CFAP58: variants seen among roughly 807,000 people sequenced by gnomAD.
CFAP58 encodes the protein cilia and flagella associated protein 58, also known as cilia- and flagella-associated protein 58.
In CFAP58, 88 loss-of-function variants were observed where a neutral mutation model predicts 119.5. The observed-to-expected ratio is 0.74, with a 90% CI of 0.62 to 0.88. The LOEUF (loss-of-function observed/expected upper bound fraction) is 0.88. Ranked by LOEUF, CFAP58 falls within the 40% of genes least tolerant of loss-of-function variation. The pLI, the probability that CFAP58 is intolerant of heterozygous loss-of-function variation, is 0.00. For missense variants in CFAP58, 990 were observed against 1,021.2 expected, an observed-to-expected ratio of 0.97 and a Z score of 0.42; for synonymous variants, 365 against 366.3, an observed-to-expected ratio of 1.00 and a Z score of 0.04.
intron 10 of CFAP58, among the ~76,000 whole-genome samples, chr10:104,392,675 C>T (rs1329197701): frequency 7.1e-6 from 1 of 139,990 alleles, no homozygotes; most frequent in East Asian, 2.1e-4. Flanking sequence ...GAGTCTCACT[C>T]TGTCACCCAG....
At chr10:104,393,638 A>G (rs2012097292) in intron 11 of CFAP58, among the ~76,000 whole-genome samples, 163 bp downstream of exon 11, 2 of 152,182 alleles carry the variant, frequency 1.3e-5, no homozygotes, top group South Asian at 4.1e-4. Flanking sequence ...CAGGAGGATG[A>G]GCTTTACCAT....
At chr10:104,364,996 C>G in intron 4 of CFAP58, 107 bp downstream of exon 4, 1 of 1,166,734 alleles carries the variant, frequency 8.6e-7, no homozygotes, top group East Asian at 2.7e-5. Flanking sequence ...CCCCCTAGCG[C>G]CCAAATGAAA....
chr10:104,373,119 C>T (rs1249559352), intron 7 of CFAP58, among the ~76,000 whole-genome samples: 1 of 151,832 alleles, frequency 6.6e-6, no homozygotes, highest in Non-Finnish European at 1.5e-5. Context: ...AAAAAATTCT[C>T]TTCACAACAG....
upstream of CFAP58, among the ~76,000 whole-genome samples, chr10:104,352,578 G>A (rs1308927804): frequency 3.3e-5 from 5 of 152,192 alleles, no homozygotes; most frequent in East Asian, 5.8e-4. Flanking sequence ...TGTGCAGGAC[G>A]CAGCTGCATA....
intron 15 of CFAP58, among the ~76,000 whole-genome samples, chr10:104,444,975 A>G (rs2013091512): frequency 6.6e-6 from 1 of 152,186 alleles, no homozygotes; most frequent in Admixed American, 6.5e-5. Flanking sequence ...CTCACAGTTC[A>G]GTTGCTCAGC....
At chr10:104,438,341 G>GTTTTTT (rs1325921091) in intron 15 of CFAP58, among the ~76,000 whole-genome samples, 18 of 101,288 alleles carry the variant, frequency 1.8e-4, no homozygotes, top group African/African-American at 5.9e-4. Flanking sequence ...TTTGTTTTTT[G>GTTTTTT]TTTTTTGTTT....
intron 15 of CFAP58, among the ~76,000 whole-genome samples, chr10:104,437,090 G>A (rs568578776): frequency 3.0e-4 from 45 of 152,272 alleles, no homozygotes; most frequent in African/African-American, 1.1e-3. Flanking sequence ...ACACTTTCTA[G>A]TTGTTTTATT....
Position 104,400,845 on chromosome 10 carries a change from A to G in CFAP58, c.1981A>G (p.Lys661Glu). 1 of 1,614,190 alleles carries G rather than the reference A, an allele frequency of 6.2e-7. No individual in the cohort carries two copies. The highest frequency in any genetic ancestry group is 8.5e-7 in the Non-Finnish European group (1 of 1,180,028). Residue 661 changes from lysine to glutamate, a missense_variant, in exon 13 of 18, where the codon AAG (lysine) becomes GAG (glutamate). By Grantham distance (56) the Lys-to-Glu change is moderately conservative (BLOSUM62 1). Coordinates refer to ENST00000369704, the MANE Select transcript of CFAP58 (RefSeq NM_001008723.2). ...GAGAATCCTCAGACTTGAGATCAAGAAGCTTCGCCGGGAAAAGGGGATTCT... is the reference window on the plus strand; with the variant it reads ...GAGAATCCTCAGACTTGAGATCAAGGAGCTTCGCCGGGAAAAGGGGATTCT... ...DMRILRLEIK[K>E]LRREKGILAR...
At chr10:104,380,921 G>T (rs998898117) in intron 9 of CFAP58, among the ~76,000 whole-genome samples, 3 of 152,154 alleles carry the variant, frequency 2.0e-5, no homozygotes, top group African/African-American at 4.8e-5. Context: ...GTCCAAGGGG[G>T]TGTGGATAGC....
At chr10:104,371,395 T>C (rs929338525) in intron 7 of CFAP58, among the ~76,000 whole-genome samples, 1 of 152,206 alleles carries the variant, frequency 6.6e-6, no homozygotes, top group African/African-American at 2.4e-5. Flanking sequence ...CCACAGAAGA[T>C]AGTGAATACG....
At chr10:104,424,143 T>A (rs1286789314) in intron 15 of CFAP58, among the ~76,000 whole-genome samples, 1 of 152,278 alleles carries the variant, frequency 6.6e-6, no homozygotes, top group African/African-American at 2.4e-5. Context: ...CATTAAAAAA[T>A]GTATATTCCC....
rs925402943 is a variant in CFAP58 at position 104,392,410 on chromosome 10, A to T, written c.1527+16A>T. 4.0e-6 allele frequency: 6 copies of T among 1,492,168 alleles called. No homozygotes were observed. The African/African-American group carries it at 8.6e-5, about 21-fold the overall frequency. The allele number at this position is 1,492,168 out of a possible 1,614,324, so 92.4% of individuals were successfully genotyped here. A position where few individuals can be genotyped will look rare whatever the true frequency, so the allele number is the denominator to read the frequency against. On this transcript the variant is annotated intron_variant, in intron 10 of 17. Coordinates refer to ENST00000369704, the MANE Select transcript of CFAP58 (RefSeq NM_001008723.2). ...TGAGGCTCAGGTAAATAATATATTT[A>T]TATCCTTACATTTTGATTTATTTTT...
intron 10 of CFAP58, 95 bp downstream of exon 10, chr10:104,392,489 T>TAA (rs200829328): frequency 5.7e-5 from 45 of 782,954 alleles, no homozygotes; most frequent in Non-Finnish European, 6.4e-5. Context: ...TAGAATAGAT[T>TAA]AAAAAAAAAA....
chr10:104,448,198 G>A (rs1439455988), intron 16 of CFAP58, among the ~76,000 whole-genome samples: 1 of 152,206 alleles, frequency 6.6e-6, no homozygotes, highest in Non-Finnish European at 1.5e-5. Context: ...GCAGACTGCC[G>A]TGCCACAGTG....
At chr10:104,422,586 CTGGTT>C (rs1313787042) in intron 15 of CFAP58, among the ~76,000 whole-genome samples, 1 of 152,190 alleles carries the variant, frequency 6.6e-6, no homozygotes, top group East Asian at 1.9e-4. Flanking sequence ...TGGCCCAAAG[CTGGTT>C]CATTTGGGTG....
At chr10:104,362,220 C>T (rs575577930) in intron 3 of CFAP58, 49 bp downstream of exon 3, 3 of 1,527,008 alleles carry the variant, frequency 2.0e-6, no homozygotes, top group African/African-American at 1.4e-5. Flanking sequence ...TTGCAGAGGT[C>T]TCCTTCAGTA....
chr10:104,394,311 C>T (rs1209166569), intron 11 of CFAP58, among the ~76,000 whole-genome samples: 1 of 152,142 alleles, frequency 6.6e-6, no homozygotes, highest in Non-Finnish European at 1.5e-5. Flanking sequence ...AAAATAATGC[C>T]ACTTTTGTTA....
At position 104,376,886 on chromosome 10, in the gene CFAP58, T is replaced by A. The variant is rs1484127350; in HGVS notation, c.1166T>A (p.Leu389Gln). 2 of 1,610,948 alleles carry A rather than the reference T, an allele frequency of 1.2e-6. No individual in the cohort carries two copies. The highest frequency in any genetic ancestry group is 1.7e-6 in the Non-Finnish European group (2 of 1,177,442). Residue 389 changes from leucine to glutamine, a missense_variant, in exon 8 of 18, where the codon CTA becomes CAA. Physicochemically the swap from Leu to Gln is moderately radical, Grantham distance 113. Coordinates refer to ENST00000369704, the MANE Select transcript of CFAP58 (RefSeq NM_001008723.2). ...MDELLRERDILNKNMLKAVNA... is the reference protein window; with the variant it reads ...MDELLRERDIQNKNMLKAVNA... The stretch of plus-strand genomic sequence containing the variant: ...GAGCTTCTAAGAGAAAGGGACATAC[T>A]AAATAAGGTGAGTGTGTTACAGTCA...
chr10:104,447,680 G>C lies in CFAP58; in HGVS notation c.2257-18G>C, dbSNP rs758754324. The C allele has an allele frequency of 6.2e-7, 1 of 1,613,006 alleles. No homozygotes were observed. The highest frequency in any genetic ancestry group is 2.2e-5 in the East Asian group (1 of 44,860). ...GACGGGGCTGTTTATCTCTGCTCCT[G>C]GTTCTGCTCTCCACTAGGAAAAGGA... On this transcript the variant is annotated intron_variant, in intron 15 of 17. Transcript: ENST00000369704.
Sources: allele counts gnomAD v4.1 joint callset (sites outside exome capture counted in the v4.1 genomes callset), GRCh38; gene constraint gnomAD v4.1.1; transcripts MANE v1.5; gene names NCBI Gene and HGNC (gene_info 2026-07-23, HGNC 2026-07-21).